The following ZC2HC1A variants were observed in gnomAD, a reference collection of about 807,000 sequenced individuals.
ZC2HC1A encodes the protein zinc finger C2HC-type containing 1A.
A neutral mutation model predicts 40.7 loss-of-function variants in ZC2HC1A; 28 were observed. That is an observed-to-expected ratio of 0.69 (90% confidence interval 0.51 to 0.94). The LOEUF is 0.94. Among genes scored for constraint, ZC2HC1A ranks in the 40% least tolerant of loss-of-function variants. The pLI is 0.00. For synonymous variants in ZC2HC1A, 129 were observed against 129.2 expected, an observed-to-expected ratio of 1.00 and a Z score of 0.01; for missense variants, 389 against 386.3, an observed-to-expected ratio of 1.01 and a Z score of -0.06.
chr8:78,708,672 CTTT>C (rs66697724), intron 7 of ZC2HC1A, among the ~76,000 whole-genome samples: 1 of 142,574 alleles, frequency 7.0e-6, no homozygotes, highest in Admixed American at 7.0e-5. Flanking sequence ...AGATGATTAT[CTTT>C]TTTTTTTCTT....
chr8:78,697,712 T>TTTTTTTTTTTTTTTTCC, intron 6 of ZC2HC1A, among the ~76,000 whole-genome samples: 1 of 151,266 alleles, frequency 6.6e-6, no homozygotes, highest in Admixed American at 6.6e-5. Context: ...GGAGTCTTGC[T>TTTTTTTTTTTTTTTTCC]CTGTTGCCCA....
chr8:78,692,262 G>A (rs979670033), intron 5 of ZC2HC1A, among the ~76,000 whole-genome samples: 2 of 152,014 alleles, frequency 1.3e-5, no homozygotes, highest in African/African-American at 4.8e-5. Context: ...CATTGTTTTA[G>A]ATTCTACATG....
chr8:78,716,441 G>C (rs1811106871), intron 8 of ZC2HC1A, among the ~76,000 whole-genome samples: 1 of 152,036 alleles, frequency 6.6e-6, no homozygotes, highest in Admixed American at 6.6e-5. Context: ...TTTGTTAATA[G>C]ATAATAGAGA....
intron 8 of ZC2HC1A, among the ~76,000 whole-genome samples, chr8:78,715,677 A>AT (rs1229365360): frequency 6.6e-6 from 1 of 152,174 alleles, no homozygotes; most frequent in Non-Finnish European, 1.5e-5. Context: ...TACTAGCAAA[A>AT]TAGCAAAAGA....
At chr8:78,685,468 A>C (rs532448491) in intron 3 of ZC2HC1A, among the ~76,000 whole-genome samples, 1 of 152,330 alleles carries the variant, frequency 6.6e-6, no homozygotes, top group East Asian at 1.9e-4. Flanking sequence ...TAATTAAAAC[A>C]TAATTATGCA....
chr8:78,680,282 G>A (rs1251904782), intron 3 of ZC2HC1A, among the ~76,000 whole-genome samples: 1 of 87,922 alleles, frequency 1.1e-5, no homozygotes, highest in Non-Finnish European at 2.2e-5. Context: ...GCGAGACTCC[G>A]TCTCAAAAAA....
chr8:78,717,390 C>T lies in ZC2HC1A; in HGVS notation c.875C>T (p.Ser292Leu), dbSNP rs375522431. The change falls in exon 9 of 9, where the codon TCA becomes TTA. Residue 292 changes from serine to leucine, a missense_variant. Transcript: ENST00000263849. ...AATATTAAAGGCATTGAAGGACATTCACCTGGAAACTTACCAAAATTCTGC... is the reference window on the plus strand; with the variant it reads ...AATATTAAAGGCATTGAAGGACATTTACCTGGAAACTTACCAAAATTCTGC... Reference protein sequence around the residue: ...GGNIKGIEGHSPGNLPKFCHE... With the variant: ...GGNIKGIEGHLPGNLPKFCHE... 3.1e-5 allele frequency: 50 copies of T among 1,613,454 alleles called. No homozygotes were observed. The highest frequency in any genetic ancestry group is 4.2e-5 in the Non-Finnish European group (50 of 1,179,878).
intron 7 of ZC2HC1A, among the ~76,000 whole-genome samples, chr8:78,707,171 A>G (rs1390729017): frequency 6.6e-6 from 1 of 152,224 alleles, no homozygotes; most frequent in African/African-American, 2.4e-5. Flanking sequence ...CATGTTAGGT[A>G]ACAATATTTG....
chr8:78,716,902 T>G, intron 8 of ZC2HC1A, among the ~76,000 whole-genome samples: 1 of 152,184 alleles, frequency 6.6e-6, no homozygotes, highest in East Asian at 1.9e-4. Context: ...TCTTTTTTCC[T>G]CCTGCTCCCA....
At chr8:78,698,329 T>A in intron 6 of ZC2HC1A, 85 bp from the exon 7 acceptor site, 1 of 1,121,830 alleles carries the variant, frequency 8.9e-7, no homozygotes, top group South Asian at 1.7e-5. Context: ...AGATTATTAC[T>A]AAAGCATTGT....
At chr8:78,681,905 T>TA (rs1198707917) in intron 3 of ZC2HC1A, among the ~76,000 whole-genome samples, 64 of 150,810 alleles carry the variant, frequency 4.2e-4, no homozygotes, top group African/African-American at 1.4e-3. Flanking sequence ...TTCTTTCTTT[T>TA]TTTTTTTTTT....
intron 1 of ZC2HC1A, 79 bp downstream of exon 1, chr8:78,666,243 A>C: frequency 6.5e-7 from 1 of 1,546,148 alleles, no homozygotes; most frequent in Non-Finnish European, 8.7e-7. Context: ...CAGTAGCAGG[A>C]AGGCGAGGGC....
intron 1 of ZC2HC1A, 186 bp from the exon 2 acceptor site, chr8:78,675,601 T>A: frequency 3.9e-6 from 2 of 518,876 alleles, no homozygotes; most frequent in Non-Finnish European, 6.7e-6. Flanking sequence ...TATCCTGACC[T>A]TTTTCACCAC....
chr8:78,666,157 A>C lies in ZC2HC1A; in HGVS notation c.9A>C (p.Gly3=). ME[G]LEENGGVVQV... ...CTCGAGGAGGTGGCGCGATGGAGGG[A>C]CTGGAAGGTGAGGCGATGAAGGGAT... The change falls in exon 1 of 9, where the codon GGA becomes GGC. Residue 3 remains glycine, a synonymous_variant. Coordinates refer to ENST00000263849, the MANE Select transcript of ZC2HC1A (RefSeq NM_016010.3). 1 of 1,574,200 alleles carries C rather than the reference A, an allele frequency of 6.4e-7. No individual in the cohort carries two copies. The highest frequency in any genetic ancestry group is 8.6e-7 in the Non-Finnish European group (1 of 1,160,032).
chr8:78,702,614 C>T (rs987503979), intron 7 of ZC2HC1A, among the ~76,000 whole-genome samples: 20 of 152,102 alleles, frequency 1.3e-4, no homozygotes, highest in Non-Finnish European at 2.5e-4. Context: ...ATAAATTTCC[C>T]TTTTACACTG....
rs7015296 is a variant in ZC2HC1A at position 78,708,683 on chromosome 8, C to T, written c.705-6538C>T. Reference sequence around the variant, plus strand: ...TAAAAGATGATTATCTTTTTTTTTTCTTTTTTTTTTTTTTGAGATGGAGTT... The same window carrying T: ...TAAAAGATGATTATCTTTTTTTTTTTTTTTTTTTTTTTTTGAGATGGAGTT... On this transcript the variant is annotated intron_variant, in intron 7 of 8. Transcript: ENST00000263849. 5.5e-3 allele frequency among the ~76,000 whole-genome samples: 660 copies of T among 120,892 alleles called. 10 individuals carry two copies. Among genetic ancestry groups the T allele is most frequent in the East Asian group, 0.034 (136 of 4,024 alleles). 79.3% of individuals were successfully genotyped at this position (120,892 alleles called of 152,430 possible). A position where few individuals can be genotyped will look rare whatever the true frequency, so the allele number is the denominator to read the frequency against.
At chr8:78,681,351 G>T (rs777561944) in intron 3 of ZC2HC1A, among the ~76,000 whole-genome samples, 1 of 152,146 alleles carries the variant, frequency 6.6e-6, no homozygotes, top group Non-Finnish European at 1.5e-5. Flanking sequence ...AAAAAAGGTA[G>T]AAAAGAACAG....
In ZC2HC1A at chr8:78,717,817, A is replaced by G. The variant is rs1350635439; in HGVS notation, c.*324A>G. On this transcript the variant is annotated 3_prime_UTR_variant, in exon 9 of 9. Coordinates refer to ENST00000263849, the MANE Select transcript of ZC2HC1A (RefSeq NM_016010.3). Reference sequence around the variant, plus strand: ...AAAGCACGTTAAGTACATTTCCACAAACTCTCATACTCTAGTGCTTAGCCC... The same window carrying G: ...AAAGCACGTTAAGTACATTTCCACAGACTCTCATACTCTAGTGCTTAGCCC... 1 of 176,730 alleles carries G rather than the reference A, an allele frequency of 5.7e-6. No individual in the cohort carries two copies. Among genetic ancestry groups the G allele is most frequent in the Non-Finnish European group, 1.2e-5 (1 of 82,780 alleles). 10.9% of individuals were successfully genotyped at this position (176,730 alleles called of 1,614,324 possible).
At position 78,672,537 on chromosome 8, in the gene ZC2HC1A, C is replaced by A. The variant is rs536816952; in HGVS notation, c.17-3250C>A. On this transcript the variant is annotated intron_variant, in intron 1 of 8. Transcript: ENST00000263849. The stretch of plus-strand genomic sequence containing the variant: ...CTCAGTATGTCACTTAACTGATCAC[C>A]AGCAGTATTTCTTCATGCCTTGGAG... Among the ~76,000 whole-genome samples, 115 of 152,236 alleles carry A rather than the reference C, an allele frequency of 7.6e-4. 4 individuals are homozygous for A. In the South Asian group the frequency reaches 0.023, roughly 31 times the overall value.
Sources: gnomAD v4.1 joint callset for allele counts (sites outside exome capture counted in the v4.1 genomes callset) on GRCh38, gnomAD v4.1.1 for gene constraint, MANE v1.5 for transcripts, NCBI Gene and HGNC (gene_info 2026-07-23, HGNC 2026-07-21) for gene names.